CACNA2D3: variants seen among roughly 807,000 people sequenced by gnomAD.
CACNA2D3 encodes voltage-dependent calcium channel subunit alpha-2/delta-3.
A neutral mutation model predicts 160.6 loss-of-function variants in CACNA2D3; 60 were observed. The ratio of observed to expected loss-of-function variants is 0.37; its 90% CI spans 0.30 to 0.46. The LOEUF is 0.46. CACNA2D3 is among the 20% of genes least tolerant of loss of function. The pLI is 1.00. For synonymous variants in CACNA2D3, 558 were observed against 492.9 expected (o/e 1.13, Z -1.75); for missense variants, 1,205 against 1,365.0 (o/e 0.88, Z 1.85).
intron 13 of CACNA2D3, among the ~76,000 whole-genome samples, chr3:54,801,435 T>G (rs1281796281): frequency 6.6e-6 from 1 of 152,170 alleles, no homozygotes. Flanking sequence ...AACCAGTAAT[T>G]CACCTTCTTG....
At chr3:54,302,450 C>A (rs553608209) in intron 2 of CACNA2D3, among the ~76,000 whole-genome samples, 47 of 152,190 alleles carry the variant, frequency 3.1e-4, no homozygotes, top group African/African-American at 1.1e-3. Context: ...AGTAGAGCTT[C>A]CAGGGAAAAA....
intron 31 of CACNA2D3, among the ~76,000 whole-genome samples, chr3:54,995,153 T>A (rs559280940): frequency 5.2e-4 from 79 of 152,166 alleles, no homozygotes; most frequent in Admixed American, 9.2e-4. Flanking sequence ...TCTGTATTTT[T>A]AGTAGAGACA....
chr3:54,756,292 T>C (rs768710326), intron 12 of CACNA2D3, among the ~76,000 whole-genome samples: 3 of 152,204 alleles, frequency 2.0e-5, no homozygotes, highest in Non-Finnish European at 4.4e-5. Context: ...GGAATGTCAC[T>C]GTTTGCCACT....
chr3:54,656,476 C>T (rs974699600), intron 11 of CACNA2D3, among the ~76,000 whole-genome samples: 8 of 152,226 alleles, frequency 5.3e-5, no homozygotes, highest in Admixed American at 4.6e-4. Flanking sequence ...CCTGGCTGAG[C>T]CCCATCCTGC....
chr3:54,215,279 A>AT (rs1701440594), intron 2 of CACNA2D3, among the ~76,000 whole-genome samples: 1 of 152,272 alleles, frequency 6.6e-6, no homozygotes, highest in Non-Finnish European at 1.5e-5. Flanking sequence ...ACATTATGAA[A>AT]TGATTAAAGC....
chr3:55,045,378 C>T (rs1169496629), intron 35 of CACNA2D3, among the ~76,000 whole-genome samples: 1 of 152,112 alleles, frequency 6.6e-6, no homozygotes, highest in African/African-American at 2.4e-5. Context: ...ATGCTGTCAT[C>T]TGGTTTTGAT....
At chr3:54,540,642 C>T (rs1027907521) in intron 5 of CACNA2D3, among the ~76,000 whole-genome samples, 3 of 152,106 alleles carry the variant, frequency 2.0e-5, no homozygotes, top group African/African-American at 4.8e-5. Flanking sequence ...TTGCAGTTGG[C>T]TGTTTTCTTC....
chr3:54,126,196 T>C (rs529742069), intron 2 of CACNA2D3, among the ~76,000 whole-genome samples: 7 of 152,350 alleles, frequency 4.6e-5, no homozygotes, highest in African/African-American at 1.7e-4. Flanking sequence ...ATTTTTAGAA[T>C]GGAAGTTTAG....
intron 13 of CACNA2D3, among the ~76,000 whole-genome samples, chr3:54,800,363 G>T (rs1702957490): frequency 1.3e-5 from 2 of 152,178 alleles, no homozygotes; most frequent in Admixed American, 1.3e-4. Context: ...CTACCAGTCT[G>T]CATTCTCACA....
At chr3:54,896,956 A>G (rs903336470) in intron 26 of CACNA2D3, 86 bp downstream of exon 26, 95 of 1,566,710 alleles carry the variant, frequency 6.1e-5, no homozygotes, top group Non-Finnish European at 8.0e-5. Flanking sequence ...AGCTGCCTGA[A>G]TGCTGAAAGG....
chr3:54,645,376 A>G (rs1330804093), intron 11 of CACNA2D3, among the ~76,000 whole-genome samples: 1 of 152,208 alleles, frequency 6.6e-6, no homozygotes, highest in East Asian at 1.9e-4. Flanking sequence ...GAGCCAAACC[A>G]TATCGTTATT....
At chr3:54,296,519 A>T (rs1288801910) in intron 2 of CACNA2D3, among the ~76,000 whole-genome samples, 5 of 152,202 alleles carry the variant, frequency 3.3e-5, no homozygotes, top group Non-Finnish European at 5.9e-5. Context: ...AATCATCAAA[A>T]CAGCATTTAA....
intron 35 of CACNA2D3, among the ~76,000 whole-genome samples, chr3:55,049,315 T>C (rs1704134853): frequency 6.8e-6 from 1 of 146,554 alleles, no homozygotes; most frequent in Non-Finnish European, 1.5e-5. Flanking sequence ...TTTGTTCTCG[T>C]TGGTTTCAAA....
intron 13 of CACNA2D3, among the ~76,000 whole-genome samples, chr3:54,808,968 C>T (rs1291558332): frequency 6.6e-6 from 1 of 152,108 alleles, no homozygotes; most frequent in African/African-American, 2.4e-5. Flanking sequence ...TGTTATGGGC[C>T]AGTTGTTTTC....
chr3:55,055,031 C>G (rs1704327134), intron 35 of CACNA2D3, among the ~76,000 whole-genome samples: 1 of 152,000 alleles, frequency 6.6e-6, no homozygotes, highest in African/African-American at 2.4e-5. Flanking sequence ...TGTTACATTT[C>G]TGGATTTTTG....
intron 10 of CACNA2D3, among the ~76,000 whole-genome samples, chr3:54,641,496 T>G (rs1699519291): frequency 6.6e-6 from 1 of 152,224 alleles, no homozygotes; most frequent in Non-Finnish European, 1.5e-5. Flanking sequence ...TGAAAAGATG[T>G]CAAAGTCTTA....
At position 54,381,382 on chromosome 3, in the gene CACNA2D3, G is replaced by A. The variant is rs969330093; in HGVS notation, c.322-5333G>A. Among the ~76,000 whole-genome samples, 14 of 152,010 alleles carry A rather than the reference G, an allele frequency of 9.2e-5. 1 individual carries two copies. The highest frequency in any genetic ancestry group is 1.8e-4 in the Non-Finnish European group (12 of 67,958). ...ATCAGGAGTCCAGCAATTAAGTTAC[G>A]TTGGTAGTGTAGTAACATTTTCCAT... On this transcript the variant is annotated intron_variant, in intron 3 of 37. Transcript: ENST00000474759.
intron 5 of CACNA2D3, among the ~76,000 whole-genome samples, chr3:54,504,358 A>C (rs1477616161): frequency 6.6e-6 from 1 of 152,084 alleles, no homozygotes; most frequent in Non-Finnish European, 1.5e-5. Context: ...TTCTGGTCAG[A>C]CCGTGTTCTA....
chr3:54,272,108 C>G (rs1450228616), intron 2 of CACNA2D3, among the ~76,000 whole-genome samples: 1 of 152,144 alleles, frequency 6.6e-6, no homozygotes, highest in East Asian at 1.9e-4. Flanking sequence ...CACATACCTT[C>G]CCATATCCAT....
Sources: gnomAD v4.1 joint callset for allele counts (sites outside exome capture counted in the v4.1 genomes callset) on GRCh38, gnomAD v4.1.1 for gene constraint, MANE v1.5 for transcripts, NCBI Gene and HGNC (gene_info 2026-07-23, HGNC 2026-07-21) for gene names.